ALOX15B: variants seen among roughly 807,000 people sequenced by gnomAD.
ALOX15B encodes the protein polyunsaturated fatty acid lipoxygenase ALOX15B.
In ALOX15B, 74 loss-of-function variants were observed where a neutral mutation model predicts 73.8. The observed-to-expected ratio is 1.00, with a 90% CI of 0.83 to 1.22. The LOEUF is 1.22. Ranked by LOEUF, ALOX15B falls within the 50% of genes most tolerant of loss-of-function variation. The pLI is 0.00. For synonymous variants in ALOX15B, 353 were observed against 357.2 expected (o/e 0.99, Z 0.13); for missense variants, 896 against 859.9 (o/e 1.04, Z -0.52).
rs1357728603 is a variant in ALOX15B at position 8,039,251 on chromosome 17, G to A, written c.96G>A (p.Glu32=). The part of the protein sequence containing the change: ...VSVSIVGTRG[E]SPPLPLDNLG... ...TCAGCATCGTGGGGACCCGGGGAGA[G>A]AGCCCCCCACTGCCCCTGGACAATC... The change falls in exon 1 of 14, where the codon GAG becomes GAA. Residue 32 remains glutamate, a synonymous_variant. Coordinates refer to ENST00000380183, the MANE Select transcript of ALOX15B (RefSeq NM_001141.3). The A allele has an allele frequency of 1.2e-6, 2 of 1,602,578 alleles. No individual in the cohort carries two copies. Among genetic ancestry groups the A allele is most frequent in the African/African-American group, 1.3e-5 (1 of 74,734 alleles).
chr17:8,048,228 T>C (rs1462607618), intron 13 of ALOX15B, among the ~76,000 whole-genome samples, 158 bp from the exon 14 acceptor site: 1 of 152,252 alleles, frequency 6.6e-6, no homozygotes. Flanking sequence ...AGGAGGGACA[T>C]GGATCAGGCC....
intron 3 of ALOX15B, among the ~76,000 whole-genome samples, chr17:8,040,729 C>T (rs752498787): frequency 7.2e-5 from 11 of 151,740 alleles, no homozygotes; most frequent in Non-Finnish European, 1.0e-4. Context: ...TTTCATGCAT[C>T]GGCTTGTTGT....
At position 8,044,999 on chromosome 17, in the gene ALOX15B, G is replaced by C. The variant is rs1334742330; in HGVS notation, c.847G>C (p.Glu283Gln). The C allele has an allele frequency of 6.2e-7, 1 of 1,614,080 alleles. No homozygotes were observed. Among genetic ancestry groups the C allele is most frequent in the Non-Finnish European group, 8.5e-7 (1 of 1,180,010 alleles). Residue 283 changes from glutamate to glutamine, a missense_variant and splice_region_variant, in exon 6 of 14, where the codon GAG becomes CAG. Glu to Gln is a conservative substitution (Grantham distance 29). Coordinates refer to ENST00000380183, the MANE Select transcript of ALOX15B (RefSeq NM_001141.3). ...TGGGACCAGCTTGCAGGCTGAGCTAGAGGTGAGGGGTGCAGGGATCTTGGC... is the reference window on the plus strand; with the variant it reads ...TGGGACCAGCTTGCAGGCTGAGCTACAGGTGAGGGGTGCAGGGATCTTGGC... ...GPGTSLQAELEKGSLFLVDHG... is the reference protein window; with the variant it reads ...GPGTSLQAELQKGSLFLVDHG...
In ALOX15B at chr17:8,039,503, T is replaced by TGCCGCTGGTTCC. The variant is rs777018387; in HGVS notation, c.266_277dup (p.Phe92_Gln93insArgArgTrpPhe). The TGCCGCTGGTTCC allele has an allele frequency of 2.1e-5, 33 of 1,571,452 alleles. 2 individuals are homozygous for TGCCGCTGGTTCC. In the East Asian group the frequency reaches 3.8e-4, roughly 18 times the overall value. ...GCCCCTGGCCCCGGATGCCTGGTTC[T>TGCCGCTGGTTCC]GCCGCTGGTTCCAGCTGACACCGCC... On this transcript the variant is annotated inframe_insertion, in exon 2 of 14. Coordinates refer to ENST00000380183, the MANE Select transcript of ALOX15B (RefSeq NM_001141.3).
At chr17:8,046,585 C>T (rs1976612750) in intron 8 of ALOX15B, 83 bp from the exon 9 acceptor site, 1 of 1,400,140 alleles carries the variant, frequency 7.1e-7, no homozygotes, top group Non-Finnish European at 9.9e-7. Context: ...AAGTGACTTG[C>T]AGGGCTGGTG....
intron 13 of ALOX15B, among the ~76,000 whole-genome samples, chr17:8,048,144 T>C (rs1976663737): frequency 6.6e-5 from 10 of 152,222 alleles, no homozygotes; most frequent in Admixed American, 6.5e-4. Flanking sequence ...ATTATGCTTC[T>C]TGGAAATTCC....
At chr17:8,047,488 A>C in intron 11 of ALOX15B, 76 bp from the exon 12 acceptor site, 2 of 1,561,518 alleles carry the variant, frequency 1.3e-6, no homozygotes, top group Non-Finnish European at 8.7e-7. Flanking sequence ...CCCCACCCTC[A>C]AGGCTCACCC....
rs143210105 is a variant in ALOX15B, at chr17:8,047,134, G to A, written c.1457+58G>A. On this transcript the variant is annotated intron_variant, in intron 10 of 13. Transcript: ENST00000380183. The stretch of plus-strand genomic sequence containing the variant: ...GTCGGGGACGTGGGAAGACAGGAAA[G>A]GAGACTGAGGCCCCAGGGAGGCTCA... 1,331 of 1,609,946 alleles carry A rather than the reference G, an allele frequency of 8.3e-4. 9 individuals are homozygous for A. In the African/African-American group the frequency reaches 0.015, roughly 18 times the overall value.
chr17:8,043,634 A>G (rs1279782647), intron 5 of ALOX15B, among the ~76,000 whole-genome samples: 1 of 152,144 alleles, frequency 6.6e-6, no homozygotes, highest in Non-Finnish European at 1.5e-5. Context: ...AGAATCTGCT[A>G]TGAGGCTCTG....
chr17:8,039,928 C>T lies in ALOX15B; in HGVS notation c.394C>T (p.Pro132Ser). Reference protein sequence around the residue: ...TAKVSWADHHPVLQQQRQEEL... With the variant: ...TAKVSWADHHSVLQQQRQEEL... ...CAAGGTGTCCTGGGCAGACCACCAC[C>T]CTGTGCTCCAGCAACAGCGCCAGGA... Residue 132 changes from proline (P) to serine (S), a missense_variant, in exon 3 of 14, where the codon CCT (proline) becomes TCT (serine). Coordinates refer to ENST00000380183, the MANE Select transcript of ALOX15B (RefSeq NM_001141.3). 1.2e-6 allele frequency: 2 copies of T among 1,613,628 alleles called. No individual in the cohort carries two copies. Among genetic ancestry groups the T allele is most frequent in the Non-Finnish European group, 1.7e-6 (2 of 1,179,824 alleles).
intron 3 of ALOX15B, among the ~76,000 whole-genome samples, chr17:8,040,637 A>AAG (rs1555638486): frequency 6.1e-5 from 8 of 131,556 alleles, no homozygotes; most frequent in Non-Finnish European, 3.5e-5. Context: ...GAAAGAAAGA[A>AAG]AGAAAGAAAG....
chr17:8,041,137 C>G (rs1348546538), intron 3 of ALOX15B, among the ~76,000 whole-genome samples: 1 of 152,116 alleles, frequency 6.6e-6, no homozygotes, highest in Non-Finnish European at 1.5e-5. Flanking sequence ...AGCAACAGCC[C>G]CAAGAGAGGG....
In ALOX15B at chr17:8,044,990, G is replaced by T. The variant is rs1012206869; in HGVS notation, c.838G>T (p.Ala280Ser). ...SVLGPGTSLQ[A>S]ELEKGSLFLV... is the part of the protein sequence containing the mutation. ...GTTGGGTCCTGGGACCAGCTTGCAG[G>T]CTGAGCTAGAGGTGAGGGGTGCAGG... Residue 280 changes from alanine to serine, a missense_variant, in exon 6 of 14, where the codon GCT becomes TCT. By Grantham distance (99) the Ala-to-Ser change is moderately conservative (BLOSUM62 1). Transcript: ENST00000380183. The T allele has an allele frequency of 6.2e-7, 1 of 1,614,124 alleles. No individual in the cohort carries two copies. Among genetic ancestry groups the T allele is most frequent in the Non-Finnish European group, 8.5e-7 (1 of 1,180,008 alleles).
intron 8 of ALOX15B, 38 bp downstream of exon 8, chr17:8,045,724 G>A: frequency 6.3e-7 from 1 of 1,599,590 alleles, no homozygotes; most frequent in Non-Finnish European, 8.5e-7. Flanking sequence ...CTGTGCCCAT[G>A]CCTCTGTGCC....
chr17:8,046,622 G>C (rs754914930), intron 8 of ALOX15B, 46 bp from the exon 9 acceptor site: 1 of 1,585,136 alleles, frequency 6.3e-7, no homozygotes, highest in South Asian at 1.1e-5. Context: ...TCTGGGGCCA[G>C]AACAACCCAG....
At chr17:8,045,127 C>T in intron 6 of ALOX15B, 111 bp from the exon 7 acceptor site, 1 of 1,588,740 alleles carries the variant, frequency 6.3e-7, no homozygotes, top group East Asian at 2.2e-5. Context: ...GTGCCAAGCA[C>T]ACTCTCCCGA....
intron 3 of ALOX15B, among the ~76,000 whole-genome samples, chr17:8,040,583 A>AAG (rs1464733509): frequency 2.4e-3 from 297 of 121,898 alleles, no homozygotes; most frequent in African/African-American, 9.1e-3. Context: ...AAAGGAAGGA[A>AAG]AGAGAGAAAG....
At position 8,044,885 on chromosome 17, in the gene ALOX15B, G is replaced by T. The variant is rs769911219; in HGVS notation, c.733G>T (p.Gly245Cys). The T allele has an allele frequency of 6.2e-7, 1 of 1,613,204 alleles. No homozygotes were observed. The highest frequency in any genetic ancestry group is 8.5e-7 in the Non-Finnish European group (1 of 1,179,704). Residue 245 changes from glycine (G) to cysteine (C), a missense_variant, in exon 6 of 14, where the codon GGT (glycine) becomes TGT (cysteine). By Grantham distance (159) the Gly-to-Cys change is radical. Transcript: ENST00000380183. ...DAFFASQFLN[G>C]LNPVLIRRCH... ...CTTCTTCGCCTCCCAGTTCCTGAAT[G>T]GTCTCAACCCTGTCCTGATCCGCCG...
intron 3 of ALOX15B, among the ~76,000 whole-genome samples, chr17:8,041,693 A>C (rs1034804368): frequency 3.9e-5 from 6 of 152,216 alleles, no homozygotes; most frequent in Admixed American, 3.9e-4. Flanking sequence ...CAGATACATG[A>C]ATTTACCATT....
Sources: allele counts gnomAD v4.1 joint callset (sites outside exome capture counted in the v4.1 genomes callset), GRCh38; gene constraint gnomAD v4.1.1; transcripts MANE v1.5; gene names NCBI Gene and HGNC (gene_info 2026-07-23, HGNC 2026-07-21).